Variants in WDPCP observed in about 807,000 individuals in gnomAD.
WDPCP encodes WD repeat-containing and planar cell polarity effector protein fritz homolog.
A neutral mutation model predicts 93.1 loss-of-function variants in WDPCP; 71 were observed. That is an observed-to-expected ratio of 0.76 (90% CI 0.63 to 0.93). The LOEUF (loss-of-function observed/expected upper bound fraction) is 0.93. WDPCP is among the 40% of genes least tolerant of loss of function. The pLI is 0.00. For synonymous variants in WDPCP, 315 were observed against 315.0 expected (o/e 1.00, Z 0.00); for missense variants, 844 against 887.4 (o/e 0.95, Z 0.62).
chr2:63,313,908 A>G (rs2103971701), intron 12 of WDPCP, among the ~76,000 whole-genome samples: 1 of 111,604 alleles, frequency 9.0e-6, no homozygotes, highest in African/African-American at 3.7e-5. Context: ...TTGGAGATGG[A>G]GTCTCGCTCT....
the WDPCP span, among the ~76,000 whole-genome samples, chr2:63,836,103 C>T: frequency 2.0e-5 from 3 of 152,362 alleles, no homozygotes; most frequent in Non-Finnish European, 2.9e-5. Flanking sequence ...GATCCACCAG[C>T]TTTGGCCTCC....
intron 1 of WDPCP, among the ~76,000 whole-genome samples, chr2:63,819,345 A>G (rs998336576): frequency 6.6e-6 from 1 of 151,476 alleles, no homozygotes. Flanking sequence ...TCAATTTACT[A>G]AAGTTATTAC....
chr2:63,296,382 AACAAG>A (rs1177040847), intron 13 of WDPCP, among the ~76,000 whole-genome samples: 1 of 152,186 alleles, frequency 6.6e-6, no homozygotes, highest in African/African-American at 2.4e-5. Context: ...TTAAAACAGG[AACAAG>A]ACAAGGATTT....
chr2:63,619,424 C>A (rs1403666050), intron 3 of WDPCP, among the ~76,000 whole-genome samples: 3 of 152,106 alleles, frequency 2.0e-5, no homozygotes, highest in Non-Finnish European at 4.4e-5. Context: ...CTAAAATGAG[C>A]CTTCCTCTTC....
chr2:63,816,590 A>C (rs1481168733), intron 1 of WDPCP, among the ~76,000 whole-genome samples: 3 of 152,166 alleles, frequency 2.0e-5, no homozygotes, highest in Non-Finnish European at 4.4e-5. Context: ...GAAAGGAAGG[A>C]TTATCCCCTA....
chr2:63,196,517 T>C (rs1675445200), intron 14 of WDPCP, among the ~76,000 whole-genome samples: 1 of 152,156 alleles, frequency 6.6e-6, no homozygotes, highest in Non-Finnish European at 1.5e-5. Context: ...GTGAAGTCAT[T>C]ATATGACAAC....
intron 13 of WDPCP, among the ~76,000 whole-genome samples, chr2:63,294,084 A>G (rs1684650421): frequency 6.7e-6 from 1 of 149,106 alleles, no homozygotes; most frequent in Admixed American, 6.6e-5. Flanking sequence ...TCAAAATACA[A>G]AGACAAAGGG....
chr2:63,334,832 C>A (rs1688237641), intron 12 of WDPCP, among the ~76,000 whole-genome samples: 1 of 141,172 alleles, frequency 7.1e-6, no homozygotes, highest in Non-Finnish European at 1.5e-5. Flanking sequence ...AGGACAGATA[C>A]AAAGATTTTT....
At chr2:63,830,113 C>A (rs1671171436), upstream of WDPCP, among the ~76,000 whole-genome samples, 1 of 152,086 alleles carries the variant, frequency 6.6e-6, no homozygotes. Context: ...ATCAGCCTAT[C>A]ATAAATATGT....
At chr2:63,767,887 G>A (rs1670169609) in intron 2 of WDPCP, among the ~76,000 whole-genome samples, 2 of 151,898 alleles carry the variant, frequency 1.3e-5, no homozygotes, top group Non-Finnish European at 2.9e-5. Flanking sequence ...CTTTCATATG[G>A]TATCTAAGGA....
intron 1 of WDPCP, among the ~76,000 whole-genome samples, chr2:63,538,771 CTT>C (rs1238399602): frequency 2.0e-5 from 3 of 152,158 alleles, no homozygotes; most frequent in South Asian, 2.1e-4. Flanking sequence ...GTTATAAAGA[CTT>C]ATATTTTTCA....
upstream of WDPCP, among the ~76,000 whole-genome samples, chr2:63,591,251 T>C (rs1207752210): frequency 1.3e-5 from 2 of 152,194 alleles, no homozygotes; most frequent in Non-Finnish European, 2.9e-5. Context: ...TCAGCAGGAC[T>C]CTCCCACCCT....
intron 2 of WDPCP, among the ~76,000 whole-genome samples, chr2:63,704,854 G>A (rs6705343): frequency 0.28 from 43,157 of 151,986 alleles, 6,650 homozygotes; most frequent in African/African-American, 0.38. Context: ...TATTGATTGG[G>A]ATAGTTTCAG....
At chr2:63,451,747 T>C (rs762560752) in intron 6 of WDPCP, among the ~76,000 whole-genome samples, 1 of 152,148 alleles carries the variant, frequency 6.6e-6, no homozygotes, top group African/African-American at 2.4e-5. Context: ...TTATCCACCA[T>C]GATCAAGTGG....
chr2:63,742,622 T>C (rs1006435112), intron 2 of WDPCP, among the ~76,000 whole-genome samples: 3 of 150,426 alleles, frequency 2.0e-5, no homozygotes, highest in Non-Finnish European at 3.0e-5. Flanking sequence ...TCTTATAAAT[T>C]CTAATGATAT....
intron 6 of WDPCP, 57 bp downstream of exon 6, chr2:63,484,547 T>C: frequency 6.3e-7 from 1 of 1,596,364 alleles, no homozygotes; most frequent in Non-Finnish European, 8.6e-7. Context: ...TACCAATTAC[T>C]ACATAGTTTT....
At chr2:63,489,380 T>G (rs563094667) in intron 2 of WDPCP, among the ~76,000 whole-genome samples, 15 of 152,042 alleles carry the variant, frequency 9.9e-5, no homozygotes, top group Non-Finnish European at 1.9e-4. Flanking sequence ...TAAATATGGA[T>G]GTAAATATGT....
chr2:63,558,873 T>C (rs752029781), intron 1 of WDPCP, among the ~76,000 whole-genome samples: 3 of 152,202 alleles, frequency 2.0e-5, no homozygotes, highest in Non-Finnish European at 4.4e-5. Context: ...ACTAGTACCA[T>C]TTCTTTTAAA....
intron 1 of WDPCP, among the ~76,000 whole-genome samples, chr2:63,822,082 G>A (rs969862254): frequency 6.6e-6 from 1 of 152,076 alleles, no homozygotes; most frequent in African/African-American, 2.4e-5. Context: ...GGGAAAATAT[G>A]GGGAATAATA....
Sources: allele counts gnomAD v4.1 joint callset (sites outside exome capture counted in the v4.1 genomes callset), GRCh38; gene constraint gnomAD v4.1.1; transcripts MANE v1.5; gene names NCBI Gene and HGNC (gene_info 2026-07-23, HGNC 2026-07-21).